The following SBSPON variants were observed in gnomAD, a reference collection of about 807,000 sequenced individuals.
SBSPON encodes the protein somatomedin-B and thrombospondin type-1 domain-containing protein.
Under a neutral mutation model 35.8 loss-of-function variants are expected in SBSPON, and 30 were observed. The observed-to-expected ratio is 0.84, with a 90% CI of 0.63 to 1.14. The LOEUF (loss-of-function observed/expected upper bound fraction) is 1.14, where lower values mean the gene tolerates loss of function less well. Ranked by LOEUF, SBSPON falls within the 50% of genes most tolerant of loss-of-function variation. The pLI is 0.00. For missense variants in SBSPON, 364 were observed against 357.7 expected (o/e 1.02, Z -0.14); for synonymous variants, 136 against 135.9 (o/e 1.00, Z 0.00).
At chr8:73,068,939 A>T (rs181125525) in intron 4 of SBSPON, among the ~76,000 whole-genome samples, 10 of 152,312 alleles carry the variant, frequency 6.6e-5, no homozygotes, top group African/African-American at 2.2e-4. Context: ...TAGGGTCCAT[A>T]AATAAAGTTT....
intron 2 of SBSPON, among the ~76,000 whole-genome samples, chr8:73,077,417 A>G (rs180839336): frequency 1.5e-4 from 23 of 152,380 alleles, no homozygotes; most frequent in Admixed American, 5.9e-4. Flanking sequence ...AGGCAGTAAC[A>G]GGGACACAGG....
intron 3 of SBSPON, among the ~76,000 whole-genome samples, chr8:73,071,248 A>C (rs1464752187): frequency 6.6e-6 from 1 of 152,156 alleles, no homozygotes; most frequent in African/African-American, 2.4e-5. Flanking sequence ...AGGAAGAAAA[A>C]ACTGAGGTGG....
chr8:73,082,125 G>A (rs1810718903), intron 1 of SBSPON, among the ~76,000 whole-genome samples: 1 of 152,316 alleles, frequency 6.6e-6, no homozygotes, highest in East Asian at 1.9e-4. Context: ...CAAATCTGAA[G>A]ATGTAATTTA....
intron 1 of SBSPON, among the ~76,000 whole-genome samples, chr8:73,081,969 C>T (rs1311161036): frequency 2.0e-5 from 3 of 152,188 alleles, no homozygotes; most frequent in Non-Finnish European, 4.4e-5. Context: ...TGCTTTTCCA[C>T]ATGATTTGGT....
intron 4 of SBSPON, among the ~76,000 whole-genome samples, chr8:73,069,197 AT>A (rs1810446578): frequency 1.3e-5 from 2 of 152,278 alleles, no homozygotes; most frequent in East Asian, 3.9e-4. Context: ...ATCTCACGAG[AT>A]TCTGATTCTA....
rs759529925 is a variant in SBSPON at position 73,092,834 on chromosome 8, C to T, written c.214+20G>A. On this transcript the variant is annotated intron_variant, in intron 1 of 4. Transcript: ENST00000297354. ...TTGCAGGCTAACGGCCGGCGCCCCA[C>T]TCTCGGCCTGACCACCCACCTGGGC... 6.3e-7 allele frequency: 1 copy of T among 1,599,762 alleles called. No homozygotes were observed. Among genetic ancestry groups the T allele is most frequent in the Non-Finnish European group, 8.5e-7 (1 of 1,171,232 alleles).
intron 1 of SBSPON, among the ~76,000 whole-genome samples, chr8:73,089,687 G>A (rs915002803): frequency 6.6e-6 from 1 of 152,138 alleles, no homozygotes; most frequent in Non-Finnish European, 1.5e-5. Context: ...GCAATATGTT[G>A]TCAGAAAATT....
At chr8:73,082,381 GTT>G (rs960296684) in intron 1 of SBSPON, among the ~76,000 whole-genome samples, 4 of 152,108 alleles carry the variant, frequency 2.6e-5, no homozygotes, top group Non-Finnish European at 5.9e-5. Flanking sequence ...AATTCATAAT[GTT>G]TCCCACAAGA....
intron 2 of SBSPON, among the ~76,000 whole-genome samples, chr8:73,075,103 G>T (rs1444378968): frequency 1.3e-5 from 2 of 152,120 alleles, no homozygotes; most frequent in African/African-American, 4.8e-5. Flanking sequence ...TGGTCTTCTG[G>T]GGCCCAAGCA....
rs188948338 is a variant in SBSPON, at chr8:73,076,956, G to C, written c.409+4063C>G. ...AGTTTCGCTCTTGTTGCCCAGACTG[G>C]AGTGCAATGGCACAATCTTGGCTCA... On this transcript the variant is annotated intron_variant, in intron 2 of 4. Coordinates refer to ENST00000297354, the MANE Select transcript of SBSPON (RefSeq NM_153225.4). Among the ~76,000 whole-genome samples, 284 of 152,166 alleles carry C rather than the reference G, an allele frequency of 1.9e-3. 1 individual carries two copies. The highest frequency in any genetic ancestry group is 0.017 in the Middle Eastern group (5 of 294).
rs1170933970 is a variant in SBSPON at position 73,074,922 on chromosome 8, T to C, written c.410-3052A>G. Among the ~76,000 whole-genome samples the C allele has an allele frequency of 2.0e-5, 3 of 152,218 alleles. No homozygotes were observed. The South Asian group carries it at 6.2e-4, about 32-fold the overall frequency. ...TTTGTAAAAGGGTGTTATACCAATTTCATTCATCAGAAAACTGAGGCTCAC... is the reference window on the plus strand; with the variant it reads ...TTTGTAAAAGGGTGTTATACCAATTCCATTCATCAGAAAACTGAGGCTCAC... On this transcript the variant is annotated intron_variant, in intron 2 of 4. Transcript: ENST00000297354.
intron 3 of SBSPON, among the ~76,000 whole-genome samples, chr8:73,071,280 T>G (rs1254904941): frequency 6.6e-6 from 1 of 152,226 alleles, no homozygotes; most frequent in African/African-American, 2.4e-5. Flanking sequence ...CAAGGTCTTA[T>G]GCTAGTGAGG....
chr8:73,075,844 A>T, intron 2 of SBSPON: 1 of 473,824 alleles, frequency 2.1e-6, no homozygotes, highest in Non-Finnish European at 2.8e-6. Flanking sequence ...TAGGAGGAAA[A>T]CACATATATA....
Position 73,071,790 on chromosome 8 carries a change from C to T in SBSPON, c.490G>A (p.Glu164Lys). The change falls in exon 3 of 5, where the codon GAG becomes AAG. Residue 164 changes from glutamate (E) to lysine (K), a missense_variant. Transcript: ENST00000297354. ...AAAACACGAAATTACCCAGCATCCT[C>T]TGTGTGTGTAGACCAGTGTGGAGAC... is the stretch of plus-strand genomic sequence containing the variant. ...ATSPHWSTHT[E>K]DAGYCMEFKT... is the part of the protein sequence containing the mutation. 6.3e-7 allele frequency: 1 copy of T among 1,594,220 alleles called. No homozygotes were observed. The highest frequency in any genetic ancestry group is 1.3e-5 in the African/African-American group (1 of 74,200).
intron 1 of SBSPON, among the ~76,000 whole-genome samples, chr8:73,090,338 A>G (rs2130045778): frequency 6.6e-6 from 1 of 152,364 alleles, no homozygotes; most frequent in Middle Eastern, 3.4e-3. Context: ...AAAAATCACA[A>G]ATAAAAAACA....
At chr8:73,089,487 C>T (rs1165555448) in intron 1 of SBSPON, among the ~76,000 whole-genome samples, 1 of 148,772 alleles carries the variant, frequency 6.7e-6, no homozygotes, top group South Asian at 2.1e-4. Flanking sequence ...ACCTGGTAGG[C>T]GGGGGTTGCA....
At chr8:73,075,992 TTCAGGGATCA>T (rs1020621379) in intron 2 of SBSPON, among the ~76,000 whole-genome samples, 5 of 152,204 alleles carry the variant, frequency 3.3e-5, no homozygotes, top group African/African-American at 1.2e-4. Flanking sequence ...ATAAGAGAGC[TTCAGGGATCA>T]TGTTTCCTTC....
In SBSPON at chr8:73,079,872, C is replaced by T. The variant is rs75225263; in HGVS notation, c.409+1147G>A. 1.7e-3 allele frequency among the ~76,000 whole-genome samples: 262 copies of T among 152,248 alleles called. 1 individual carries two copies. Among genetic ancestry groups the T allele is most frequent in the African/African-American group, 5.7e-3 (236 of 41,552 alleles). On this transcript the variant is annotated intron_variant, in intron 2 of 4. Coordinates refer to ENST00000297354, the MANE Select transcript of SBSPON (RefSeq NM_153225.4). ...AACCATCGTGACCCCAGCGCCAGCC[C>T]AGCACCTGGCATCAAGTAGACTCTC...
intron 4 of SBSPON, 130 bp from the exon 5 acceptor site, chr8:73,067,588 AC>A: frequency 8.1e-6 from 1 of 122,738 alleles, no homozygotes; most frequent in Non-Finnish European, 1.5e-5. Context: ...CCCCGTCTCT[AC>A]TATATATATA....
Sources: allele counts gnomAD v4.1 joint callset (sites outside exome capture counted in the v4.1 genomes callset), GRCh38; gene constraint gnomAD v4.1.1; transcripts MANE v1.5; gene names NCBI Gene and HGNC (gene_info 2026-07-23, HGNC 2026-07-21).